ATP2B1: variants seen among roughly 807,000 people sequenced by gnomAD.
ATP2B1 encodes the protein plasma membrane calcium-transporting ATPase 1.
A neutral mutation model predicts 124.2 loss-of-function variants in ATP2B1; 14 were observed. The ratio of observed to expected loss-of-function variants is 0.11; its 90% CI spans 0.07 to 0.18. The LOEUF (loss-of-function observed/expected upper bound fraction) is 0.18, where lower values mean the gene tolerates loss of function less well. Ranked by LOEUF, ATP2B1 falls within the 10% of genes least tolerant of loss-of-function variation. The pLI, the probability that ATP2B1 is intolerant of heterozygous loss-of-function variation, is 1.00. For missense variants in ATP2B1, 763 were observed against 1,466.1 expected, an observed-to-expected ratio of 0.52 and a Z score of 7.83; for synonymous variants, 449 against 492.4, an observed-to-expected ratio of 0.91 and a Z score of 1.17.
intron 1 of ATP2B1, among the ~76,000 whole-genome samples, chr12:89,671,512 T>C (rs1301469999): frequency 1.3e-5 from 2 of 152,194 alleles, no homozygotes; most frequent in Non-Finnish European, 2.9e-5. Context: ...ACACTCTACA[T>C]GGATCCTTTC....
intron 1 of ATP2B1, among the ~76,000 whole-genome samples, chr12:89,698,989 A>G (rs920759980): frequency 1.3e-5 from 2 of 152,184 alleles, no homozygotes; most frequent in African/African-American, 2.4e-5. Context: ...GGATGAAGGA[A>G]AAGAGATCAC....
At chr12:89,660,505 A>C (rs2136413470) in intron 1 of ATP2B1, among the ~76,000 whole-genome samples, 1 of 152,342 alleles carries the variant, frequency 6.6e-6, no homozygotes, top group Non-Finnish European at 1.5e-5. Context: ...TGACTGATGT[A>C]AGTGCCTTCC....
At chr12:89,679,521 C>G (rs1174754848) in intron 1 of ATP2B1, among the ~76,000 whole-genome samples, 1 of 152,130 alleles carries the variant, frequency 6.6e-6, no homozygotes, top group African/African-American at 2.4e-5. Flanking sequence ...TCTCTCTTTT[C>G]CCCCAAAAAG....
intron 1 of ATP2B1, among the ~76,000 whole-genome samples, chr12:89,701,543 T>A (rs909901318): frequency 9.9e-5 from 15 of 152,250 alleles, no homozygotes; most frequent in African/African-American, 1.9e-4. Context: ...GGGAGATTTT[T>A]AAAACCTTTT....
chr12:89,691,717 A>G (rs1426395398), intron 1 of ATP2B1, among the ~76,000 whole-genome samples: 2 of 152,142 alleles, frequency 1.3e-5, no homozygotes, highest in East Asian at 1.9e-4. Flanking sequence ...CTTAAGAGCC[A>G]TATTTCCGAC....
At chr12:89,709,287 G>T (rs974265431), upstream of ATP2B1, 1 of 152,206 alleles carries the variant, frequency 6.6e-6, no homozygotes, top group African/African-American at 2.4e-5. Context: ...CGGCGCAGCT[G>T]CTCCCGCTGC....
intron 2 of ATP2B1, among the ~76,000 whole-genome samples, chr12:89,644,664 A>T (rs1353103289): frequency 6.6e-6 from 1 of 152,204 alleles, no homozygotes; most frequent in Non-Finnish European, 1.5e-5. Flanking sequence ...GTCTATGCGT[A>T]GGTTTGTCTT....
At chr12:89,621,100 C>CG (rs1005323434) in intron 10 of ATP2B1, among the ~76,000 whole-genome samples, 1 of 152,040 alleles carries the variant, frequency 6.6e-6, no homozygotes, top group African/African-American at 2.4e-5. Context: ...CTAAAAAGGT[C>CG]TAAGGACCAC....
intron 13 of ATP2B1, chr12:89,610,835 A>C (rs1592734644): frequency 3.0e-6 from 1 of 335,704 alleles, no homozygotes; most frequent in East Asian, 5.6e-5. Context: ...GAACTTCCTT[A>C]ATTTAGCATA....
chr12:89,635,181 G>A lies in ATP2B1; in HGVS notation c.477C>T (p.Ile159=). The A allele has an allele frequency of 6.2e-7, 1 of 1,613,722 alleles. No individual in the cohort carries two copies. Among genetic ancestry groups the A allele is most frequent in the Non-Finnish European group, 8.5e-7 (1 of 1,179,812 alleles). The stretch of plus-strand genomic sequence containing the variant: ...ACACCACACACACTACAGACAAGAG[G>A]ATTGCAGCTCCTTCAATCCAACCAG... ...GETGWIEGAA[I]LLSVVCVVLV... Residue 159 remains isoleucine (I), a synonymous_variant, in exon 4 of 21, where the codon ATC becomes ATT. Transcript: ENST00000428670.
chr12:89,704,828 T>A (rs1456682689), intron 1 of ATP2B1, among the ~76,000 whole-genome samples: 6 of 152,056 alleles, frequency 3.9e-5, no homozygotes. Flanking sequence ...CCAGAAAAAT[T>A]AAAATGTATA....
intron 19 of ATP2B1, among the ~76,000 whole-genome samples, chr12:89,599,803 G>A (rs1182320100): frequency 3.3e-5 from 5 of 151,988 alleles, no homozygotes; most frequent in Admixed American, 2.0e-4. Flanking sequence ...TTTAAAATTG[G>A]ATTAGTACTG....
At chr12:89,706,889 AG>A (rs1334272435) in intron 1 of ATP2B1, among the ~76,000 whole-genome samples, 3 of 152,326 alleles carry the variant, frequency 2.0e-5, no homozygotes, top group Admixed American at 2.0e-4. Context: ...AGCCAAAATC[AG>A]GACAGAGATC....
At chr12:89,643,709 A>AT (rs1884006502) in intron 2 of ATP2B1, among the ~76,000 whole-genome samples, 1 of 152,222 alleles carries the variant, frequency 6.6e-6, no homozygotes, top group Non-Finnish European at 1.5e-5. Flanking sequence ...CAATTAGTTA[A>AT]TGCAAAGTGT....
intron 1 of ATP2B1, among the ~76,000 whole-genome samples, chr12:89,696,116 C>T (rs529841163): frequency 1.6e-4 from 25 of 152,280 alleles, no homozygotes; most frequent in African/African-American, 5.1e-4. Context: ...GAACATGTCA[C>T]GGAAGTGTCA....
chr12:89,655,898 TATATC>T lies in ATP2B1; in HGVS notation c.-17_-13del, dbSNP rs764325857. On this transcript the variant is annotated 5_prime_UTR_variant, in exon 2 of 21. Transcript: ENST00000428670. ...GCCATGTCGCCCATTACAAGTATAA[TATATC>T]AGAAGGAAAATGTTTCCCAAAAGAA... The T allele has an allele frequency of 1.3e-6, 2 of 1,547,600 alleles. No individual in the cohort carries two copies. Among genetic ancestry groups the T allele is most frequent in the East Asian group, 4.5e-5 (2 of 44,074 alleles).
At chr12:89,671,565 T>G (rs188656571) in intron 1 of ATP2B1, among the ~76,000 whole-genome samples, 10 of 152,254 alleles carry the variant, frequency 6.6e-5, no homozygotes, top group Admixed American at 6.5e-4. Flanking sequence ...TATTTAATAT[T>G]ATTACCCCCA....
In ATP2B1 at chr12:89,634,917, C is replaced by T; in HGVS notation, c.662-14G>A. The T allele has an allele frequency of 4.3e-6, 7 of 1,611,054 alleles. No individual in the cohort carries two copies. The highest frequency in any genetic ancestry group is 5.9e-6 in the Non-Finnish European group (7 of 1,178,880). On this transcript the variant is annotated splice_polypyrimidine_tract_variant and intron_variant, in intron 4 of 20. Transcript: ENST00000428670. Reference sequence around the variant, plus strand: ...GAAGAAGATCACCTAAAATAAAAAGCATGATATACTAAACTTATAAACAAG... The same window carrying T: ...GAAGAAGATCACCTAAAATAAAAAGTATGATATACTAAACTTATAAACAAG...
chr12:89,708,627 G>A lies in ATP2B1; in HGVS notation c.-253C>T, dbSNP rs574140012. The A allele has an allele frequency of 2.0e-5, 3 of 151,844 alleles. No individual in the cohort carries two copies. Among genetic ancestry groups the A allele is most frequent in the Admixed American group, 6.5e-5 (1 of 15,270 alleles). 9.4% of individuals were successfully genotyped at this position (151,844 alleles called of 1,614,324 possible). A position where few individuals can be genotyped will look rare whatever the true frequency, so the allele number is the denominator to read the frequency against. ...CGGCAGTGGGAACCATTTTCCGAGG[G>A]GGAAGGAAAGGCAGGCTGCGGGAGG... On this transcript the variant is annotated 5_prime_UTR_variant, in exon 1 of 21. Coordinates refer to ENST00000428670, the MANE Select transcript of ATP2B1 (RefSeq NM_001366521.1).
Sources: allele counts gnomAD v4.1 joint callset (sites outside exome capture counted in the v4.1 genomes callset), GRCh38; gene constraint gnomAD v4.1.1; transcripts MANE v1.5; gene names NCBI Gene and HGNC (gene_info 2026-07-23, HGNC 2026-07-21).